The following DNAJC11 variants were observed in gnomAD, a reference collection of about 807,000 sequenced individuals.
The protein encoded by DNAJC11 is dnaJ homolog subfamily C member 11.
In DNAJC11, 15 loss-of-function variants were observed where a neutral mutation model predicts 78.6. That is an observed-to-expected ratio of 0.19 (90% CI 0.13 to 0.29). The LOEUF (loss-of-function observed/expected upper bound fraction) is 0.29, where lower values mean the gene tolerates loss of function less well. Ranked by LOEUF, DNAJC11 falls within the 10% of genes least tolerant of loss-of-function variation. The pLI, the probability that DNAJC11 is intolerant of heterozygous loss-of-function variation, is 1.00. For missense variants in DNAJC11, 547 were observed against 709.6 expected, an observed-to-expected ratio of 0.77 and a Z score of 2.60; for synonymous variants, 292 against 272.1, an observed-to-expected ratio of 1.07 and a Z score of -0.72.
intron 1 of DNAJC11, among the ~76,000 whole-genome samples, chr1:6,685,552 C>T (rs1032461082): frequency 6.6e-6 from 1 of 152,166 alleles, no homozygotes; most frequent in African/African-American, 2.4e-5. Flanking sequence ...TTGGAGCTCA[C>T]CCACCTCAAT....
intron 3 of DNAJC11, among the ~76,000 whole-genome samples, chr1:6,676,449 G>A (rs180782613): frequency 6.6e-6 from 1 of 152,126 alleles, no homozygotes; most frequent in African/African-American, 2.4e-5. Context: ...GGAGGCTGAG[G>A]GGGGAGGGTA....
chr1:6,637,516 C>T lies in DNAJC11; in HGVS notation c.1324-12G>A. 1.2e-6 allele frequency: 2 copies of T among 1,614,176 alleles called. No homozygotes were observed. Among genetic ancestry groups the T allele is most frequent in the African/African-American group, 1.3e-5 (1 of 75,046 alleles). On this transcript the variant is annotated splice_polypyrimidine_tract_variant and intron_variant, in intron 12 of 15. Transcript: ENST00000377577. ...TGCATCAGCCGGACCTGCCAGAGAA[C>T]AAGGATGACACAGTCAGGGCCCTGC...
In DNAJC11 at chr1:6,636,178, G is replaced by A. The variant is rs570247442; in HGVS notation, c.1593C>T (p.Phe531=). 3.1e-5 allele frequency: 50 copies of A among 1,614,122 alleles called. No homozygotes were observed. In the South Asian group the frequency reaches 4.5e-4, roughly 15 times the overall value. The change falls in exon 15 of 16, where the codon TTC becomes TTT. Residue 531 remains phenylalanine (F), a synonymous_variant. Coordinates refer to ENST00000377577, the MANE Select transcript of DNAJC11 (RefSeq NM_018198.4). ...CCATCACCTGATGCAGGACGCCCCG[G>A]AACTGATAGAGCACTTTCAGGTTCT... ...EEKNLKVLYQ[F]RGVLHQVMVL...
intron 4 of DNAJC11, among the ~76,000 whole-genome samples, chr1:6,666,311 G>A (rs1450901929): frequency 6.6e-6 from 1 of 151,980 alleles, no homozygotes; most frequent in African/African-American, 2.4e-5. Flanking sequence ...CTGCTTTCCG[G>A]AATGTATTTC....
At chr1:6,663,534 C>T (rs1642249743) in intron 4 of DNAJC11, among the ~76,000 whole-genome samples, 1 of 152,180 alleles carries the variant, frequency 6.6e-6, no homozygotes, top group African/African-American at 2.4e-5. Flanking sequence ...GATCTTAAGT[C>T]CTTAAAATGC....
At chr1:6,673,971 A>G (rs1261388689) in intron 3 of DNAJC11, among the ~76,000 whole-genome samples, 1 of 152,212 alleles carries the variant, frequency 6.6e-6, no homozygotes, top group Non-Finnish European at 1.5e-5. Flanking sequence ...GAAGGATGCA[A>G]CTCTGGGTGT....
intron 10 of DNAJC11, among the ~76,000 whole-genome samples, chr1:6,641,508 T>C (rs952173369): frequency 6.7e-6 from 1 of 149,266 alleles, no homozygotes; most frequent in Non-Finnish European, 1.5e-5. Flanking sequence ...AGCTATATAG[T>C]AACAGATAAG....
rs567917128 is a variant in DNAJC11, at chr1:6,637,093, G to A, written c.1524+105C>T. The stretch of plus-strand genomic sequence containing the variant: ...TTGAACTCCTGGGCTCAAGCAATCC[G>A]CCCACCTTGGCCTTCCAAAGTGCTA... On this transcript the variant is annotated intron_variant, in intron 14 of 15. Transcript: ENST00000377577. The A allele has an allele frequency of 2.7e-4, 394 of 1,448,196 alleles. No individual in the cohort carries two copies. The African/African-American group carries it at 4.7e-3, about 17-fold the overall frequency. The allele number at this position is 1,448,196 out of a possible 1,614,324, so 89.7% of individuals were successfully genotyped here. A position where few individuals can be genotyped will look rare whatever the true frequency, so the allele number is the denominator to read the frequency against.
chr1:6,673,301 A>C (rs920239010), intron 3 of DNAJC11, among the ~76,000 whole-genome samples: 1 of 151,764 alleles, frequency 6.6e-6, no homozygotes. Context: ...ACAAAAAAAC[A>C]ACCACCAAGA....
intron 7 of DNAJC11, among the ~76,000 whole-genome samples, chr1:6,649,520 G>A (rs988080840): frequency 2.0e-5 from 3 of 152,028 alleles, no homozygotes; most frequent in African/African-American, 4.8e-5. Flanking sequence ...CACAGGCCAC[G>A]TCCTCCTGTT....
chr1:6,654,048 G>GA lies in DNAJC11; in HGVS notation c.379-10dup. The GA allele has an allele frequency of 6.2e-7, 1 of 1,611,494 alleles. No individual in the cohort carries two copies. The highest frequency in any genetic ancestry group is 8.5e-7 in the Non-Finnish European group (1 of 1,178,064). ...CCAACGCTGATCGTTCCCTGGGGCA[G>GA]AAAAACAAGCCGTCAGCAGAACGGG... is the stretch of plus-strand genomic sequence containing the variant. On this transcript the variant is annotated splice_polypyrimidine_tract_variant and intron_variant, in intron 4 of 15. Coordinates refer to ENST00000377577, the MANE Select transcript of DNAJC11 (RefSeq NM_018198.4).
chr1:6,654,169 A>G (rs961466065), intron 4 of DNAJC11, 130 bp from the exon 5 acceptor site: 18 of 1,126,746 alleles, frequency 1.6e-5, no homozygotes, highest in Admixed American at 1.2e-4. Flanking sequence ...GGGTTTAGGT[A>G]GGACACTCCA....
At chr1:6,643,980 C>T (rs1441632785) in intron 10 of DNAJC11, among the ~76,000 whole-genome samples, 5 of 152,102 alleles carry the variant, frequency 3.3e-5, no homozygotes, top group Admixed American at 3.3e-4. Context: ...AAGCGATTCT[C>T]CTGCCTCAGC....
chr1:6,653,747 C>A lies in DNAJC11; in HGVS notation c.507+164G>T, dbSNP rs1178199357. 5.4e-6 allele frequency: 5 copies of A among 920,060 alleles called. No homozygotes were observed. The highest frequency in any genetic ancestry group is 7.9e-6 in the Non-Finnish European group (5 of 635,708). The allele number at this position is 920,060 out of a possible 1,614,324, so 57.0% of individuals were successfully genotyped here. A position where few individuals can be genotyped will look rare whatever the true frequency, so the allele number is the denominator to read the frequency against. On this transcript the variant is annotated intron_variant, in intron 5 of 15. Coordinates refer to ENST00000377577, the MANE Select transcript of DNAJC11 (RefSeq NM_018198.4). The surrounding 1 kb of genome is among the most constrained non-coding windows in gnomAD (Gnocchi z 4.5). The stretch of plus-strand genomic sequence containing the variant: ...CTCACATGCCAGCACAGCGGTAACA[C>A]ACGGCTGGGAATGAAGCGCTTTCTT...
chr1:6,660,730 T>C (rs146318261), intron 4 of DNAJC11, among the ~76,000 whole-genome samples: 1 of 152,318 alleles, frequency 6.6e-6, no homozygotes, highest in African/African-American at 2.4e-5. Flanking sequence ...CTAGCACATT[T>C]CTCCCTGTTA....
intron 12 of DNAJC11, 39 bp from the exon 13 acceptor site, chr1:6,637,543 A>C (rs753425246): frequency 6.2e-7 from 1 of 1,612,330 alleles, no homozygotes; most frequent in African/African-American, 1.3e-5. Context: ...GGGCCCTGCC[A>C]GGCCTGTTCC....
rs1320879431 is a variant in DNAJC11, at chr1:6,667,817, A to G, written c.277-7T>C. ...TTCTCCTCCTTTCCACAACCTATGC[A>G]CAGAATCAAGATGGGAAGACAGTTG... On this transcript the variant is annotated splice_region_variant and splice_polypyrimidine_tract_variant and intron_variant, in intron 3 of 15. Coordinates refer to ENST00000377577, the MANE Select transcript of DNAJC11 (RefSeq NM_018198.4). 5 of 1,612,930 alleles carry G rather than the reference A, an allele frequency of 3.1e-6. No homozygotes were observed. Among genetic ancestry groups the G allele is most frequent in the Middle Eastern group, 1.8e-4 (1 of 5,632 alleles).
intron 1 of DNAJC11, among the ~76,000 whole-genome samples, chr1:6,681,977 T>A (rs1040162128): frequency 2.6e-5 from 4 of 151,962 alleles, no homozygotes; most frequent in Non-Finnish European, 4.4e-5. Flanking sequence ...TTTTGACAAC[T>A]GAAGCACATT....
chr1:6,662,128 G>GTTTTTT lies in DNAJC11; in HGVS notation c.378+5575_378+5580dup, dbSNP rs1222028818. The stretch of plus-strand genomic sequence containing the variant: ...CACCATGCCCAGTTAATTGTTTTTT[G>GTTTTTT]TTTTTTGTTTTTTTTTTTTGTAGAG... On this transcript the variant is annotated intron_variant, in intron 4 of 15. Transcript: ENST00000377577. Among the ~76,000 whole-genome samples, 28 of 137,876 alleles carry GTTTTTT rather than the reference G, an allele frequency of 2.0e-4. 1 individual carries two copies. Among genetic ancestry groups the GTTTTTT allele is most frequent in the Non-Finnish European group, 2.3e-4 (15 of 64,612 alleles). 90.5% of individuals were successfully genotyped at this position (137,876 alleles called of 152,430 possible). A position where few individuals can be genotyped will look rare whatever the true frequency, so the allele number is the denominator to read the frequency against.
Sources: allele counts gnomAD v4.1 joint callset (sites outside exome capture counted in the v4.1 genomes callset), GRCh38; gene constraint gnomAD v4.1.1; non-coding constraint Gnocchi (gnomAD v3.1); transcripts MANE v1.5; gene names NCBI Gene and HGNC (gene_info 2026-07-23, HGNC 2026-07-21).